PRKCD: variants seen among roughly 807,000 people sequenced by gnomAD.
PRKCD encodes the protein protein kinase C delta type.
Under a neutral mutation model 82.2 loss-of-function variants are expected in PRKCD, and 20 were observed. That is an observed-to-expected ratio of 0.24 (90% CI 0.17 to 0.35). The LOEUF (loss-of-function observed/expected upper bound fraction) is 0.35. Among genes scored for constraint, PRKCD ranks in the 10% least tolerant of loss-of-function variants. PRKCD has a pLI of 1.00. For synonymous variants in PRKCD, 317 were observed against 337.0 expected, an observed-to-expected ratio of 0.94 and a Z score of 0.65; for missense variants, 607 against 899.0, an observed-to-expected ratio of 0.68 and a Z score of 4.15.
intron 2 of PRKCD, among the ~76,000 whole-genome samples, chr3:53,166,765 G>A (rs530995024): frequency 2.0e-5 from 3 of 152,244 alleles, no homozygotes; most frequent in African/African-American, 4.8e-5. Flanking sequence ...TCTCAGTAAG[G>A]GGGGCTGGGC....
In PRKCD at chr3:53,161,849, G is replaced by A. The variant is rs1312795098; in HGVS notation, c.-132+421G>A. Among the ~76,000 whole-genome samples the A allele has an allele frequency of 1.3e-4, 16 of 125,764 alleles. No individual in the cohort carries two copies. The South Asian group carries it at 2.4e-3, about 19-fold the overall frequency. The allele number at this position is 125,764 out of a possible 152,430, so 82.5% of individuals were successfully genotyped here. Reference sequence around the variant, plus strand: ...TCCCTTGCCCTCCGCGTGCTCCATCGCCCCACCCCCACCCACACCCCTACC... The same window carrying A: ...TCCCTTGCCCTCCGCGTGCTCCATCACCCCACCCCCACCCACACCCCTACC... On this transcript the variant is annotated intron_variant, in intron 1 of 18. Transcript: ENST00000330452.
intron 2 of PRKCD, among the ~76,000 whole-genome samples, chr3:53,175,067 G>A (rs1195803925): frequency 6.6e-6 from 1 of 152,206 alleles, no homozygotes; most frequent in Non-Finnish European, 1.5e-5. Context: ...CCTCCTGCTG[G>A]GCAGGCCGGG....
At position 53,183,204 on chromosome 3, in the gene PRKCD, A is replaced by G. The variant is rs1703519243; in HGVS notation, c.655A>G (p.Ile219Val). 1.2e-6 allele frequency: 2 copies of G among 1,613,846 alleles called. No individual in the cohort carries two copies. Among genetic ancestry groups the G allele is most frequent in the Non-Finnish European group, 1.7e-6 (2 of 1,179,866 alleles). ...TGTAANSRDT[I>V]FQKERFNIDM... ...CACCGCGGCCAACAGCCGGGACACT[A>G]TAGTGAGCCTGGGTCCGGGGCAGGG... Residue 219 changes from isoleucine to valine, a missense_variant and splice_region_variant, in exon 8 of 19, where the codon ATA becomes GTA. Transcript: ENST00000330452.
At chr3:53,172,967 AG>A (rs576929017) in intron 2 of PRKCD, among the ~76,000 whole-genome samples, 330 of 152,308 alleles carry the variant, frequency 2.2e-3, no homozygotes, top group African/African-American at 7.1e-3. Context: ...ACCTCACTGC[AG>A]GACCTTGGCC....
At chr3:53,161,798 C>G (rs998138908) in intron 1 of PRKCD, among the ~76,000 whole-genome samples, 5 of 151,514 alleles carry the variant, frequency 3.3e-5, no homozygotes, top group African/African-American at 4.9e-5. Context: ...CCCGATCCTT[C>G]TGTCCCTCGC....
chr3:53,177,791 G>C (rs569237875), intron 2 of PRKCD, among the ~76,000 whole-genome samples: 2 of 152,216 alleles, frequency 1.3e-5, no homozygotes, highest in South Asian at 4.2e-4. Flanking sequence ...GGAGTGAAGA[G>C]AGTGCCCCTG....
chr3:53,185,016 G>A, intron 10 of PRKCD, 42 bp downstream of exon 10: 1 of 1,549,254 alleles, frequency 6.5e-7, no homozygotes, highest in East Asian at 2.2e-5. Flanking sequence ...GGGCAGTGGG[G>A]TCAGGGACAG....
intron 4 of PRKCD, among the ~76,000 whole-genome samples, 181 bp from the exon 5 acceptor site, chr3:53,181,026 G>A (rs1351922420): frequency 6.6e-6 from 1 of 151,882 alleles, no homozygotes; most frequent in Admixed American, 6.6e-5. Flanking sequence ...CAGGGTGGGG[G>A]TGGGGCTCAG....
chr3:53,188,601 T>C (rs1277910139), intron 15 of PRKCD, 119 bp from the exon 16 acceptor site: 3 of 1,318,782 alleles, frequency 2.3e-6, no homozygotes, highest in Non-Finnish European at 3.1e-6. Flanking sequence ...CTGTTTCTCA[T>C]TCCCTTGTAC....
chr3:53,183,326 T>C, intron 8 of PRKCD, 120 bp downstream of exon 8: 2 of 1,572,030 alleles, frequency 1.3e-6, no homozygotes, highest in South Asian at 1.2e-5. Context: ...TTCTTAGTCT[T>C]TCCTTGCCTC....
intron 1 of PRKCD, among the ~76,000 whole-genome samples, chr3:53,162,979 G>A (rs955125966): frequency 3.3e-5 from 5 of 152,108 alleles, no homozygotes; most frequent in African/African-American, 1.2e-4. Context: ...GGAGGGGACT[G>A]ATCCCTGGGG....
At chr3:53,164,009 C>CA (rs1347421107) in intron 1 of PRKCD, among the ~76,000 whole-genome samples, 2 of 152,154 alleles carry the variant, frequency 1.3e-5, no homozygotes, top group African/African-American at 2.4e-5. Context: ...AAAGTACAGA[C>CA]AAAAAGATAA....
rs1553669052 is a variant in PRKCD at position 53,186,274 on chromosome 3, G to A, written c.1194G>A (p.Lys398=). ...ACGTGGAGTGCACCATGGTTGAGAA[G>A]CGGGTGCTGACACTTGCCGCAGAGA... ...DDDVECTMVE[K]RVLTLAAENP... Residue 398 remains lysine (K), a synonymous_variant, in exon 13 of 19, where the codon AAG becomes AAA. Transcript: ENST00000330452. 6 of 1,614,076 alleles carry A rather than the reference G, an allele frequency of 3.7e-6. No individual in the cohort carries two copies. The highest frequency in any genetic ancestry group is 1.7e-5 in the Admixed American group (1 of 60,010).
At chr3:53,179,174 T>C (rs898329331) in intron 3 of PRKCD, among the ~76,000 whole-genome samples, 1 of 152,288 alleles carries the variant, frequency 6.6e-6, no homozygotes, top group Admixed American at 6.5e-5. Context: ...TAACAGTTAC[T>C]TGAGGAAGGA....
chr3:53,177,931 TTTC>T (rs1209298386), intron 2 of PRKCD, among the ~76,000 whole-genome samples: 1 of 109,722 alleles, frequency 9.1e-6, no homozygotes, highest in East Asian at 3.9e-4. Context: ...TCTCAATATT[TTTC>T]TTTTTCTTTT....
At chr3:53,175,300 C>T (rs192996828) in intron 2 of PRKCD, among the ~76,000 whole-genome samples, 5 of 152,210 alleles carry the variant, frequency 3.3e-5, no homozygotes, top group Admixed American at 6.5e-5. Context: ...GATGCGAGTG[C>T]GCTTTGTAAA....
In PRKCD at chr3:53,169,539, A is replaced by G. The variant is rs182260775; in HGVS notation, c.-20+4324A>G. Among the ~76,000 whole-genome samples, 510 of 152,188 alleles carry G rather than the reference A, an allele frequency of 3.4e-3. 1 individual carries two copies. Among genetic ancestry groups the G allele is most frequent in the Middle Eastern group, 0.014 (4 of 294 alleles). ...CGTGTTGGGTAAACAGGCAGAGCAG[A>G]GCAGGCAGTCGCCAAGGCCTGAGGC... On this transcript the variant is annotated intron_variant, in intron 2 of 18. Transcript: ENST00000330452. This position sits in a 1 kb window ranked among gnomAD's most constrained non-coding sequence, Gnocchi z 4.7.
chr3:53,181,184 C>A (rs782063648), intron 4 of PRKCD, 23 bp from the exon 5 acceptor site: 20 of 1,611,582 alleles, frequency 1.2e-5, no homozygotes, highest in Non-Finnish European at 1.7e-5. Flanking sequence ...CCTTGTTCTC[C>A]CCTGGCCTCT....
chr3:53,173,247 T>G (rs1553665283), intron 2 of PRKCD, among the ~76,000 whole-genome samples: 1 of 152,218 alleles, frequency 6.6e-6, no homozygotes, highest in Non-Finnish European at 1.5e-5. Flanking sequence ...CCAGGACTTC[T>G]GTGCCCGGGA....
Sources: gnomAD v4.1 joint callset for allele counts (sites outside exome capture counted in the v4.1 genomes callset) on GRCh38, gnomAD v4.1.1 for gene constraint, Gnocchi (gnomAD v3.1) non-coding constraint, MANE v1.5 for transcripts, NCBI Gene and HGNC (gene_info 2026-07-23, HGNC 2026-07-21) for gene names.